The following AKT3 variants were observed in gnomAD, a reference collection of about 807,000 sequenced individuals.
AKT3 encodes the protein RAC-gamma serine/threonine-protein kinase.
Under a neutral mutation model 65.3 loss-of-function variants are expected in AKT3, and 15 were observed. That is an observed-to-expected ratio of 0.23 (90% CI 0.15 to 0.35). The LOEUF (loss-of-function observed/expected upper bound fraction) is 0.35, where lower values mean the gene tolerates loss of function less well. AKT3 is among the 10% of genes least tolerant of loss of function. The pLI is 1.00. For synonymous variants in AKT3, 206 were observed against 183.8 expected, an observed-to-expected ratio of 1.12 and a Z score of -0.98; for missense variants, 243 against 576.5, an observed-to-expected ratio of 0.42 and a Z score of 5.92.
At chr1:243,792,959 A>G (rs943296773) in intron 2 of AKT3, among the ~76,000 whole-genome samples, 1 of 152,238 alleles carries the variant, frequency 6.6e-6, no homozygotes, top group African/African-American at 2.4e-5. Context: ...TAAGCTTCAC[A>G]TATCACAGGT....
At chr1:243,572,162 T>C (rs1289725032) in intron 9 of AKT3, among the ~76,000 whole-genome samples, 2 of 152,226 alleles carry the variant, frequency 1.3e-5, no homozygotes, top group Admixed American at 6.5e-5. Flanking sequence ...TGAGAATTAC[T>C]ATTACCTTGT....
At chr1:243,828,065 AAAC>A (rs60497718) in intron 2 of AKT3, among the ~76,000 whole-genome samples, 69 of 150,718 alleles carry the variant, frequency 4.6e-4, no homozygotes, top group Admixed American at 1.9e-3. Context: ...AATGTTTTAA[AAAC>A]AACAACAACA....
At chr1:243,689,687 G>A (rs1163534985) in intron 3 of AKT3, among the ~76,000 whole-genome samples, 1 of 152,010 alleles carries the variant, frequency 6.6e-6, no homozygotes, top group Non-Finnish European at 1.5e-5. Flanking sequence ...ATGCACAGTA[G>A]CTCATGCCTA....
At position 243,573,119 on chromosome 1, in the gene AKT3, A is replaced by G. The variant is rs182254806; in HGVS notation, c.697-71T>C. 3.9e-6 allele frequency: 6 copies of G among 1,539,696 alleles called. No homozygotes were observed. The East Asian group carries it at 1.1e-4, about 29-fold the overall frequency. On this transcript the variant is annotated intron_variant, in intron 8 of 13. Coordinates refer to ENST00000673466, the MANE Select transcript of AKT3 (RefSeq NM_005465.7). ...AGTGGGGGAAATTAACACAAACATA[A>G]AACACCTCTCATCACCATATTGTGA... is the stretch of plus-strand genomic sequence containing the variant.
chr1:243,546,960 T>C (rs1232546616), intron 11 of AKT3: 1 of 152,226 alleles, frequency 6.6e-6, no homozygotes, highest in African/African-American at 2.4e-5. Context: ...ACTTCACTTG[T>C]CAGTTATGTG....
chr1:243,640,814 A>G (rs566064062), intron 5 of AKT3, among the ~76,000 whole-genome samples: 12 of 152,214 alleles, frequency 7.9e-5, no homozygotes, highest in Non-Finnish European at 1.8e-4. Context: ...TTACATGGCT[A>G]TTGTTTTAAG....
intron 2 of AKT3, among the ~76,000 whole-genome samples, chr1:243,837,463 A>C (rs1274186885): frequency 6.6e-6 from 1 of 152,054 alleles, no homozygotes; most frequent in Non-Finnish European, 1.5e-5. Context: ...CAGCATAACC[A>C]CTGTATCAAA....
At chr1:243,845,870 G>C (rs1057128895) in intron 1 of AKT3, among the ~76,000 whole-genome samples, 11 of 152,044 alleles carry the variant, frequency 7.2e-5, no homozygotes, top group Non-Finnish European at 1.0e-4. Context: ...GCACCAGAAA[G>C]ACCAAGAAAC....
intron 8 of AKT3, among the ~76,000 whole-genome samples, chr1:243,599,322 T>G (rs193134151): frequency 1.3e-5 from 2 of 152,256 alleles, no homozygotes; most frequent in African/African-American, 2.4e-5. Flanking sequence ...TTTATGAATA[T>G]AAAACATTTT....
At chr1:243,681,908 A>C (rs989113830) in intron 3 of AKT3, among the ~76,000 whole-genome samples, 1 of 152,128 alleles carries the variant, frequency 6.6e-6, no homozygotes, top group Non-Finnish European at 1.5e-5. Context: ...TGTAAAAAGC[A>C]GGCTCTTTAA....
At chr1:243,491,328 T>C (rs1666361661) in intron 13 of AKT3, among the ~76,000 whole-genome samples, 2 of 152,212 alleles carry the variant, frequency 1.3e-5, no homozygotes, top group Admixed American at 6.5e-5. Context: ...TTCTTTCTTC[T>C]TTTGCCTGAA....
chr1:243,650,560 A>C (rs887992339), intron 4 of AKT3, among the ~76,000 whole-genome samples: 8 of 152,116 alleles, frequency 5.3e-5, no homozygotes, highest in Non-Finnish European at 1.2e-4. Context: ...TAAGTCTTTA[A>C]TCCATCTTGG....
At chr1:243,522,927 C>A (rs1670811397) in intron 12 of AKT3, among the ~76,000 whole-genome samples, 1 of 152,212 alleles carries the variant, frequency 6.6e-6, no homozygotes, top group East Asian at 1.9e-4. Flanking sequence ...GCACTGACAG[C>A]CACAGCCACT....
intron 5 of AKT3, among the ~76,000 whole-genome samples, chr1:243,642,532 A>G (rs914191153): frequency 3.9e-5 from 6 of 152,124 alleles, no homozygotes; most frequent in South Asian, 2.1e-4. Context: ...GATGGTCTCG[A>G]TCTCCTGACC....
intron 8 of AKT3, chr1:243,612,598 T>G (rs1677952579): frequency 6.4e-6 from 1 of 155,798 alleles, no homozygotes; most frequent in East Asian, 1.7e-4. Flanking sequence ...TAAAAATATT[T>G]CCAGTTAGCT....
chr1:243,538,961 G>A (rs556746945), intron 12 of AKT3, among the ~76,000 whole-genome samples: 4 of 152,184 alleles, frequency 2.6e-5, no homozygotes, highest in South Asian at 2.1e-4. Flanking sequence ...TAAAGTCCAC[G>A]ATCATAGTTG....
At chr1:243,780,706 G>A (rs1690854106) in intron 2 of AKT3, among the ~76,000 whole-genome samples, 1 of 151,804 alleles carries the variant, frequency 6.6e-6, no homozygotes, top group Non-Finnish European at 1.5e-5. Flanking sequence ...TTTGAGTAAT[G>A]AGCATATAAA....
intron 13 of AKT3, among the ~76,000 whole-genome samples, chr1:243,507,313 G>T (rs897355385): frequency 2.6e-5 from 4 of 152,244 alleles, no homozygotes; most frequent in African/African-American, 9.6e-5. Flanking sequence ...TAAGAATTGA[G>T]AGACAGCCTT....
intron 10 of AKT3, among the ~76,000 whole-genome samples, chr1:243,555,864 C>T (rs1382384117): frequency 2.0e-5 from 3 of 152,120 alleles, no homozygotes; most frequent in Non-Finnish European, 4.4e-5. Flanking sequence ...ACCAACATTA[C>T]TGACTTGTAA....
Sources: allele counts gnomAD v4.1 joint callset (sites outside exome capture counted in the v4.1 genomes callset), GRCh38; gene constraint gnomAD v4.1.1; transcripts MANE v1.5; gene names NCBI Gene and HGNC (gene_info 2026-07-23, HGNC 2026-07-21).